NBEA: variants seen among roughly 807,000 people sequenced by gnomAD.
NBEA encodes the protein lysosomal-trafficking regulator 2.
Under a neutral mutation model 343.4 loss-of-function variants are expected in NBEA, and 44 were observed. The observed-to-expected ratio is 0.13, with a 90% CI of 0.10 to 0.16. NBEA has a LOEUF of 0.16. Among genes scored for constraint, NBEA ranks in the 10% least tolerant of loss-of-function variants. The pLI, the probability that NBEA is intolerant of heterozygous loss-of-function variation, is 1.00. For missense variants in NBEA, 2,555 were observed against 3,631.3 expected (o/e 0.70, Z 7.62); for synonymous variants, 1,175 against 1,238.7 (o/e 0.95, Z 1.08).
chr13:35,508,549 A>G (rs986712239), intron 41 of NBEA, among the ~76,000 whole-genome samples: 13 of 152,184 alleles, frequency 8.5e-5, no homozygotes, highest in Non-Finnish European at 1.5e-4. Flanking sequence ...TTTCAGGAGT[A>G]AAGTGGATAA....
chr13:35,145,465 TCTGAGGC>T (rs796900538), intron 18 of NBEA, among the ~76,000 whole-genome samples: 31 of 152,306 alleles, frequency 2.0e-4, no homozygotes, highest in African/African-American at 7.0e-4. Flanking sequence ...AACATTCTTA[TCTGAGGC>T]CTCTTTAGTG....
intron 6 of NBEA, among the ~76,000 whole-genome samples, chr13:35,053,618 T>G (rs1246920047): frequency 6.6e-6 from 1 of 152,132 alleles, no homozygotes; most frequent in Non-Finnish European, 1.5e-5. Context: ...ATACCCATGA[T>G]CCAAGGTTGG....
At chr13:35,112,044 G>A (rs529794718) in intron 13 of NBEA, among the ~76,000 whole-genome samples, 1 of 150,918 alleles carries the variant, frequency 6.6e-6, no homozygotes, top group South Asian at 2.1e-4. Context: ...AGCCTCCCGA[G>A]TAGCTGGGAC....
chr13:35,085,938 AACAG>A (rs2064735074), intron 10 of NBEA, among the ~76,000 whole-genome samples: 2 of 152,234 alleles, frequency 1.3e-5, no homozygotes, highest in South Asian at 4.1e-4. Flanking sequence ...ATACACCAAT[AACAG>A]ACAAACAGCC....
intron 8 of NBEA, among the ~76,000 whole-genome samples, chr13:35,063,030 T>C (rs1269366573): frequency 6.6e-6 from 1 of 151,970 alleles, no homozygotes; most frequent in Non-Finnish European, 1.5e-5. Flanking sequence ...ATAGGCCAAA[T>C]ATGTATCCAG....
intron 41 of NBEA, 71 bp from the exon 42 acceptor site, chr13:35,550,404 TAA>T (rs1257228831): frequency 1.3e-6 from 1 of 798,116 alleles, no homozygotes; most frequent in African/African-American, 1.7e-5. Context: ...TGACTTTTAC[TAA>T]GTTACTGTCA....
intron 34 of NBEA, among the ~76,000 whole-genome samples, chr13:35,263,177 AGT>A (rs2033361157): frequency 6.6e-6 from 1 of 152,240 alleles, no homozygotes; most frequent in South Asian, 2.1e-4. Flanking sequence ...TCCTATATAC[AGT>A]CAAATTATTT....
At chr13:35,292,665 A>G (rs780586059) in intron 35 of NBEA, among the ~76,000 whole-genome samples, 15 of 152,006 alleles carry the variant, frequency 9.9e-5, no homozygotes, top group Non-Finnish European at 2.2e-4. Context: ...CAGTATTAAT[A>G]CTAATAAAAA....
chr13:35,617,974 T>C (rs1438801332), intron 48 of NBEA, among the ~76,000 whole-genome samples: 1 of 152,212 alleles, frequency 6.6e-6, no homozygotes, highest in African/African-American at 2.4e-5. Flanking sequence ...CTGTATTTTT[T>C]ATGTTGTTTT....
rs1372877599 is a variant in NBEA, at chr13:35,045,371, T to C, written c.693T>C (p.Thr231=). The part of the protein sequence containing the change: ...NQMPQRHGPD[T]FFNFPGCSAA... ...TGCCACAGAGACACGGTCCTGATAC[T>C]TTTTTCAATTTCCCTGGTTGTAGCG... The change falls in exon 4 of 59, where the codon ACT becomes ACC. Residue 231 remains threonine, a synonymous_variant. Transcript: ENST00000379939. 1 of 1,611,750 alleles carries C rather than the reference T, an allele frequency of 6.2e-7. No homozygotes were observed. Among genetic ancestry groups the C allele is most frequent in the Non-Finnish European group, 8.5e-7 (1 of 1,178,890 alleles).
At chr13:35,615,747 G>A (rs1201216017) in intron 48 of NBEA, among the ~76,000 whole-genome samples, 1 of 152,186 alleles carries the variant, frequency 6.6e-6, no homozygotes, top group Non-Finnish European at 1.5e-5. Context: ...CAGGCAAGAG[G>A]AGCCGTGGAG....
intron 1 of NBEA, among the ~76,000 whole-genome samples, chr13:35,031,118 A>T (rs566877672): frequency 6.6e-6 from 1 of 151,644 alleles, no homozygotes; most frequent in Non-Finnish European, 1.5e-5. Context: ...ACAAATTTAT[A>T]CAGAGGCCCA....
At chr13:35,228,376 T>C (rs573784612) in intron 33 of NBEA, among the ~76,000 whole-genome samples, 75 of 101,938 alleles carry the variant, frequency 7.4e-4, no homozygotes, top group African/African-American at 2.1e-3. Flanking sequence ...GTAATTCTCT[T>C]TTTTTTTTTT....
chr13:35,054,304 T>C (rs538267267), intron 6 of NBEA, among the ~76,000 whole-genome samples: 1 of 152,252 alleles, frequency 6.6e-6, no homozygotes, highest in South Asian at 2.1e-4. Flanking sequence ...ACTTGTAAAA[T>C]TCTATAAGAT....
intron 10 of NBEA, among the ~76,000 whole-genome samples, chr13:35,080,183 T>A (rs1479951156): frequency 6.6e-6 from 1 of 152,092 alleles, no homozygotes. Flanking sequence ...AATTAAAAAA[T>A]TGTTTATTTC....
At chr13:35,235,968 A>G (rs1365426381) in intron 34 of NBEA, among the ~76,000 whole-genome samples, 1 of 152,212 alleles carries the variant, frequency 6.6e-6, no homozygotes, top group Non-Finnish European at 1.5e-5. Flanking sequence ...GGCAGTATAC[A>G]ATTATATCTT....
chr13:35,371,992 T>C (rs527746682), intron 38 of NBEA, among the ~76,000 whole-genome samples: 3 of 152,254 alleles, frequency 2.0e-5, no homozygotes, highest in South Asian at 2.1e-4. Flanking sequence ...TTGGGCTCTG[T>C]GGTGGCAATG....
chr13:34,992,683 A>AT (rs756769679), intron 1 of NBEA, among the ~76,000 whole-genome samples: 73 of 148,640 alleles, frequency 4.9e-4, no homozygotes, highest in Middle Eastern at 3.7e-3. Context: ...TTATTTATTT[A>AT]TTTTTTTGAG....
At chr13:35,424,318 C>T (rs878880060) in intron 38 of NBEA, among the ~76,000 whole-genome samples, 16 of 152,076 alleles carry the variant, frequency 1.1e-4, no homozygotes, top group South Asian at 2.1e-4. Context: ...TTTTGAGATA[C>T]GTCCCATCAA....
Sources: gnomAD v4.1 joint callset for allele counts (sites outside exome capture counted in the v4.1 genomes callset) on GRCh38, gnomAD v4.1.1 for gene constraint, MANE v1.5 for transcripts, NCBI Gene and HGNC (gene_info 2026-07-23, HGNC 2026-07-21) for gene names.